KIF7: variants seen among roughly 807,000 people sequenced by gnomAD.
The protein encoded by KIF7 is kinesin family member 7.
In KIF7, 104 loss-of-function variants were observed where a neutral mutation model predicts 135.7. That is an observed-to-expected ratio of 0.77 (90% CI 0.65 to 0.90). The LOEUF (loss-of-function observed/expected upper bound fraction) is 0.90, where lower values mean the gene tolerates loss of function less well. Among genes scored for constraint, KIF7 ranks in the 40% least tolerant of loss-of-function variants. The probability of loss-of-function intolerance (pLI) is 0.00; values close to 1 mark genes in which losing one functional copy is unlikely to be tolerated. For synonymous variants in KIF7, 883 were observed against 809.4 expected (o/e 1.09, Z -1.54); for missense variants, 2,005 against 1,839.1 (o/e 1.09, Z -1.65).
chr15:89,652,464 T>A (rs909617368), intron 2 of KIF7, 139 bp downstream of exon 2: 41 of 714,962 alleles, frequency 5.7e-5, no homozygotes, highest in Non-Finnish European at 8.8e-5. Context: ...GGGCCACAGA[T>A]CCCTGTCTAG....
chr15:89,637,355 C>T (rs1278680001), intron 11 of KIF7, among the ~76,000 whole-genome samples: 3 of 148,498 alleles, frequency 2.0e-5, no homozygotes, highest in Non-Finnish European at 4.5e-5. Context: ...GAAATAGAGA[C>T]ACAAAAAACC....
chr15:89,645,200 A>G (rs772759045), intron 9 of KIF7, 35 bp from the exon 10 acceptor site: 10 of 1,605,794 alleles, frequency 6.2e-6, no homozygotes, highest in Admixed American at 1.7e-5. Context: ...TGCTGCCCCA[A>G]CTGACAGTGG....
At chr15:89,624,331 A>T (rs760499981), downstream of KIF7, 1 of 1,614,180 alleles carries the variant, frequency 6.2e-7, no homozygotes, top group Non-Finnish European at 8.5e-7. Context: ...ACTGGATCAG[A>T]AAGAGCCCCA....
At chr15:89,617,827 G>A (rs966242096) in intron 2 of KIF7, among the ~76,000 whole-genome samples, 1 of 152,058 alleles carries the variant, frequency 6.6e-6, no homozygotes, top group African/African-American at 2.4e-5. Context: ...AAGTAGCTGG[G>A]ACTACAGGCG....
chr15:89,649,003 G>A lies in KIF7; in HGVS notation c.894C>T (p.His298=). Residue 298 remains histidine (H), a synonymous_variant, in exon 4 of 19, where the codon CAC becomes CAT. Coordinates refer to ENST00000394412, the MANE Select transcript of KIF7 (RefSeq NM_198525.3). ...TGATCTTGGAGTCGCGGTAGGGTAT[G>A]TGGCTGCCCCGGCGCTGAGGGTCCC... The part of the protein sequence containing the change: ...ALGDPQRRGS[H]IPYRDSKITR... 1 of 1,546,854 alleles carries A rather than the reference G, an allele frequency of 6.5e-7. No individual in the cohort carries two copies. Among genetic ancestry groups the A allele is most frequent in the South Asian group, 1.2e-5 (1 of 83,988 alleles).
downstream of KIF7, chr15:89,626,820 A>T: frequency 1.1e-6 from 1 of 925,076 alleles, no homozygotes; most frequent in Non-Finnish European, 1.7e-6. Flanking sequence ...CCATTTCTGT[A>T]GGATAAGCGA....
chr15:89,633,720 T>TC lies in KIF7; in HGVS notation c.2557dup (p.Glu853GlyfsTer19). The TC allele has an allele frequency of 6.2e-7, 1 of 1,608,538 alleles. No homozygotes were observed. Among genetic ancestry groups the TC allele is most frequent in the Non-Finnish European group, 8.5e-7 (1 of 1,179,864 alleles). Reference sequence around the variant, plus strand: ...GTGCTGCCGCTTGCTCATTTCTGCCTCCAGGCGCCGCTTCTGCTCCGTCTC... The same window carrying TC: ...GTGCTGCCGCTTGCTCATTTCTGCCTCCCAGGCGCCGCTTCTGCTCCGTCTC... On this transcript the variant is annotated frameshift_variant, in exon 12 of 19. Coordinates refer to ENST00000394412, the MANE Select transcript of KIF7 (RefSeq NM_198525.3). LOFTEE classifies it high-confidence loss of function.
chr15:89,645,806 AG>A, intron 8 of KIF7, 86 bp downstream of exon 8: 2 of 1,519,566 alleles, frequency 1.3e-6, no homozygotes, highest in Non-Finnish European at 1.8e-6. Flanking sequence ...CACTGCTGTC[AG>A]GAGAGGAGAC....
At chr15:89,648,800 AG>A in intron 4 of KIF7, 26 bp from the exon 5 acceptor site, 1 of 1,522,556 alleles carries the variant, frequency 6.6e-7, no homozygotes, top group Non-Finnish European at 8.8e-7. Context: ...GGAGGCTCTC[AG>A]GGGCCCCGAC....
the KIF7 span, among the ~76,000 whole-genome samples, chr15:89,661,255 A>G: frequency 6.6e-6 from 1 of 152,228 alleles, no homozygotes. Flanking sequence ...TCTCTAGTGA[A>G]AACAAATGAA....
chr15:89,641,684 C>T (rs919289127), intron 11 of KIF7, among the ~76,000 whole-genome samples: 2 of 152,106 alleles, frequency 1.3e-5, no homozygotes, highest in Admixed American at 1.3e-4. Context: ...GTCTGTAATC[C>T]CAGCTACTCA....
chr15:89,630,220 TGC>T, intron 16 of KIF7, 65 bp downstream of exon 16: 1 of 1,450,948 alleles, frequency 6.9e-7, no homozygotes, highest in Non-Finnish European at 9.6e-7. Flanking sequence ...CTGGAGCAGC[TGC>T]CATGAGACAC....
intron 7 of KIF7, 48 bp downstream of exon 7, chr15:89,646,782 G>T: frequency 6.4e-7 from 1 of 1,571,172 alleles, no homozygotes; most frequent in South Asian, 1.1e-5. Context: ...CCCCGAACTT[G>T]ACCAGTCCAG....
chr15:89,632,027 A>G (rs1567058944), intron 14 of KIF7, among the ~76,000 whole-genome samples: 2 of 152,334 alleles, frequency 1.3e-5, no homozygotes, highest in Middle Eastern at 3.4e-3. Flanking sequence ...ACCGGACTGG[A>G]CAGTGATAGG....
At chr15:89,624,337 C>T (rs377334134), downstream of KIF7, 14 of 1,614,106 alleles carry the variant, frequency 8.7e-6, no homozygotes, top group Non-Finnish European at 1.1e-5. Context: ...TCAGAAAGAG[C>T]CCCAGATGTC....
At chr15:89,644,351 C>G (rs1478180250) in intron 10 of KIF7, among the ~76,000 whole-genome samples, 1 of 152,100 alleles carries the variant, frequency 6.6e-6, no homozygotes, top group Non-Finnish European at 1.5e-5. Flanking sequence ...TCGCCCAGCA[C>G]AATGGCTGAA....
upstream of KIF7, among the ~76,000 whole-genome samples, chr15:89,659,552 AGAG>A (rs1183787389): frequency 6.6e-6 from 1 of 152,186 alleles, no homozygotes; most frequent in African/African-American, 2.4e-5. Flanking sequence ...AAGAAAGAAA[AGAG>A]AAGAGAAAGG....
chr15:89,635,472 G>A (rs1269540094), intron 11 of KIF7, among the ~76,000 whole-genome samples: 7 of 152,114 alleles, frequency 4.6e-5, no homozygotes, highest in African/African-American at 7.2e-5. Flanking sequence ...CAATACAGAG[G>A]AGTGCTTAAA....
At chr15:89,619,911 A>C in intron 1 of KIF7, 1 of 1,531,520 alleles carries the variant, frequency 6.5e-7, no homozygotes, top group South Asian at 1.3e-5. Flanking sequence ...TGGGAAAAGA[A>C]GCAAGAAATT....
Sources: gnomAD v4.1 joint callset for allele counts (sites outside exome capture counted in the v4.1 genomes callset) on GRCh38, gnomAD v4.1.1 for gene constraint, MANE v1.5 for transcripts, NCBI Gene and HGNC (gene_info 2026-07-23, HGNC 2026-07-21) for gene names.